The following GPC5 variants were observed in gnomAD, a reference collection of about 807,000 sequenced individuals.
GPC5 encodes glypican-5.
GPC5 carries 47 observed loss-of-function variants against 53.9 expected under a neutral mutation model. The ratio of observed to expected loss-of-function variants is 0.87; its 90% confidence interval spans 0.69 to 1.11. The LOEUF (loss-of-function observed/expected upper bound fraction) is 1.11, where lower values mean the gene tolerates loss of function less well. GPC5 is among the 50% of genes most tolerant of loss of function. The probability of loss-of-function intolerance (pLI) is 0.00; values close to 1 mark genes in which losing one functional copy is unlikely to be tolerated. For missense variants in GPC5, 748 were observed against 713.1 expected (o/e 1.05, Z -0.56); for synonymous variants, 286 against 263.3 (o/e 1.09, Z -0.84).
intron 7 of GPC5, among the ~76,000 whole-genome samples, chr13:92,521,357 T>C (rs147991432): frequency 0.011 from 1,677 of 152,180 alleles, 35 homozygotes; most frequent in African/African-American, 0.038. Context: ...GGAGGCATCA[T>C]GCTACCTGAC....
At chr13:91,979,185 G>A (rs550155432) in intron 6 of GPC5, among the ~76,000 whole-genome samples, 1 of 152,066 alleles carries the variant, frequency 6.6e-6, no homozygotes, top group African/African-American at 2.4e-5. Flanking sequence ...AGAAATGGGA[G>A]AGCTAGAGGT....
chr13:91,685,736 G>T (rs1238160341), intron 2 of GPC5, among the ~76,000 whole-genome samples: 2 of 152,068 alleles, frequency 1.3e-5, no homozygotes, highest in African/African-American at 4.8e-5. Context: ...ATGAAAGAAT[G>T]AATATCAAAA....
intron 2 of GPC5, among the ~76,000 whole-genome samples, chr13:91,622,706 A>G (rs1339659631): frequency 6.6e-6 from 1 of 152,128 alleles, no homozygotes; most frequent in Non-Finnish European, 1.5e-5. Context: ...GTGATTTTCA[A>G]CAGCAATCAG....
At chr13:92,813,552 A>C (rs1372266479) in intron 7 of GPC5, among the ~76,000 whole-genome samples, 1 of 152,020 alleles carries the variant, frequency 6.6e-6, no homozygotes, top group African/African-American at 2.4e-5. Context: ...GGAATTGTTC[A>C]ACATGAAAGC....
At chr13:91,808,672 T>G (rs1291593854) in intron 5 of GPC5, among the ~76,000 whole-genome samples, 4 of 152,204 alleles carry the variant, frequency 2.6e-5, no homozygotes, top group Non-Finnish European at 5.9e-5. Flanking sequence ...AATGATTCTT[T>G]GAAACCTCGC....
intron 7 of GPC5, among the ~76,000 whole-genome samples, chr13:92,408,627 TAG>T (rs200075475): frequency 8.5e-6 from 1 of 117,270 alleles, no homozygotes; most frequent in African/African-American, 3.2e-5. Flanking sequence ...TATATATATA[TAG>T]ACACACACAC....
intron 5 of GPC5, among the ~76,000 whole-genome samples, chr13:91,845,989 T>C (rs1403761662): frequency 1.3e-5 from 2 of 152,172 alleles, no homozygotes; most frequent in African/African-American, 4.8e-5. Context: ...AACTGGGGCT[T>C]TAACCATCAT....
intron 1 of GPC5, among the ~76,000 whole-genome samples, chr13:91,445,360 C>T (rs756764520): frequency 1.2e-4 from 18 of 152,092 alleles, no homozygotes; most frequent in Non-Finnish European, 2.4e-4. Flanking sequence ...GCATAGACAG[C>T]GGAGATCTCC....
chr13:91,974,443 A>G (rs1481869111), intron 6 of GPC5, among the ~76,000 whole-genome samples: 2 of 152,010 alleles, frequency 1.3e-5, no homozygotes, highest in Non-Finnish European at 2.9e-5. Flanking sequence ...AAATCAATGT[A>G]CAAAAATCAC....
intron 2 of GPC5, among the ~76,000 whole-genome samples, chr13:91,558,294 T>C (rs2031071450): frequency 6.6e-6 from 1 of 152,112 alleles, no homozygotes; most frequent in Non-Finnish European, 1.5e-5. Context: ...CTTATTTTAC[T>C]TGGTCTCGGT....
chr13:91,965,587 G>A (rs183719107), intron 6 of GPC5, among the ~76,000 whole-genome samples: 19 of 152,222 alleles, frequency 1.2e-4, no homozygotes, highest in Non-Finnish European at 2.4e-4. Flanking sequence ...GAGTGTAAGG[G>A]ATTTTAGCCA....
chr13:92,532,069 T>TATCC (rs1211315142), intron 7 of GPC5, among the ~76,000 whole-genome samples: 4 of 152,156 alleles, frequency 2.6e-5, no homozygotes, highest in African/African-American at 9.7e-5. Flanking sequence ...TCATCCCTTA[T>TATCC]ATCCATATCT....
rs533637906 is a variant in GPC5, at chr13:92,665,549, G to A, written c.1562-200733G>A. On this transcript the variant is annotated intron_variant, in intron 7 of 7. Transcript: ENST00000377067. ...ATTTCTGCTTTCTCTGAATATACAG[G>A]ATTGATTTTGAGTTCATAAATAAAT... Among the ~76,000 whole-genome samples the A allele has an allele frequency of 3.9e-5, 6 of 152,216 alleles. No individual in the cohort carries two copies. The South Asian group carries it at 1.2e-3, about 32-fold the overall frequency.
intron 7 of GPC5, among the ~76,000 whole-genome samples, chr13:92,295,389 T>C (rs9523615): frequency 0.29 from 44,297 of 151,976 alleles, 6,541 homozygotes; most frequent in Middle Eastern, 0.48. Flanking sequence ...GAGTGCTTGA[T>C]ATAATTTCAA....
intron 7 of GPC5, among the ~76,000 whole-genome samples, chr13:92,184,223 A>T (rs1715950455): frequency 6.6e-6 from 1 of 152,304 alleles, no homozygotes; most frequent in South Asian, 2.1e-4. Context: ...CTAAAACTCC[A>T]TAAGAAATCT....
chr13:92,442,920 C>A (rs1028574441), intron 7 of GPC5, among the ~76,000 whole-genome samples: 2 of 152,088 alleles, frequency 1.3e-5, no homozygotes, highest in African/African-American at 4.8e-5. Context: ...ATGTCCTGAT[C>A]CTTGTTAGAA....
At chr13:91,565,428 T>A (rs113205681) in intron 2 of GPC5, among the ~76,000 whole-genome samples, 2 of 152,240 alleles carry the variant, frequency 1.3e-5, no homozygotes, top group Admixed American at 6.5e-5. Context: ...GCTTAAGCGA[T>A]GTACAGTTGT....
chr13:92,313,505 T>C (rs980306578), intron 7 of GPC5, among the ~76,000 whole-genome samples: 1 of 152,180 alleles, frequency 6.6e-6, no homozygotes, highest in Non-Finnish European at 1.5e-5. Context: ...TAAAACAAAA[T>C]GATGTATCCA....
intron 2 of GPC5, among the ~76,000 whole-genome samples, chr13:91,529,324 C>A (rs34107460): frequency 0.83 from 125,808 of 152,118 alleles, 54,353 homozygotes; most frequent in East Asian, 1. Flanking sequence ...AATATATACC[C>A]CATATTTTGA....
Sources: allele counts gnomAD v4.1 joint callset (sites outside exome capture counted in the v4.1 genomes callset), GRCh38; gene constraint gnomAD v4.1.1; transcripts MANE v1.5; gene names NCBI Gene and HGNC (gene_info 2026-07-23, HGNC 2026-07-21).